R3HCC1L: variants seen among roughly 807,000 people sequenced by gnomAD.
R3HCC1L encodes the protein R3H domain and coiled-coil containing 1 like.
Under a neutral mutation model 59.9 loss-of-function variants are expected in R3HCC1L, and 51 were observed. That is an observed-to-expected ratio of 0.85 (90% CI 0.68 to 1.07). The LOEUF (loss-of-function observed/expected upper bound fraction) is 1.07, where lower values mean the gene tolerates loss of function less well. Among genes scored for constraint, R3HCC1L ranks in the 50% least tolerant of loss-of-function variants. R3HCC1L has a pLI of 0.00. For synonymous variants in R3HCC1L, 322 were observed against 315.2 expected (o/e 1.02, Z -0.23); for missense variants, 965 against 933.0 (o/e 1.03, Z -0.45).
intron 4 of R3HCC1L, among the ~76,000 whole-genome samples, chr10:98,205,499 T>TA (rs1319293495): frequency 6.6e-6 from 1 of 152,206 alleles, no homozygotes; most frequent in Non-Finnish European, 1.5e-5. Flanking sequence ...CTTCCATTCT[T>TA]AAAAAATGAT....
chr10:98,194,476 A>G (rs1332627968), intron 4 of R3HCC1L, among the ~76,000 whole-genome samples: 3 of 152,156 alleles, frequency 2.0e-5, no homozygotes, highest in Non-Finnish European at 2.9e-5. Context: ...AAAAATGTAA[A>G]AAACATACAT....
At chr10:98,199,599 A>G (rs1478312823) in intron 4 of R3HCC1L, among the ~76,000 whole-genome samples, 6 of 151,946 alleles carry the variant, frequency 3.9e-5, no homozygotes, top group Non-Finnish European at 7.4e-5. Flanking sequence ...AGCAGTTTAG[A>G]TAATAGCTTT....
intron 4 of R3HCC1L, among the ~76,000 whole-genome samples, chr10:98,203,232 GA>G (rs1221339914): frequency 2.6e-5 from 4 of 152,136 alleles, no homozygotes; most frequent in East Asian, 1.9e-4. Context: ...AAATATTCAG[GA>G]AAAAAACTGC....
intron 4 of R3HCC1L, among the ~76,000 whole-genome samples, chr10:98,197,789 T>G (rs933429707): frequency 6.6e-6 from 1 of 152,116 alleles, no homozygotes; most frequent in Non-Finnish European, 1.5e-5. Context: ...TGAAAGTGTA[T>G]GTATGTAAAG....
At chr10:98,140,110 C>T (rs560532647) in intron 1 of R3HCC1L, among the ~76,000 whole-genome samples, 1 of 152,096 alleles carries the variant, frequency 6.6e-6, no homozygotes, top group African/African-American at 2.4e-5. Context: ...AGAAAAGAAT[C>T]TGAATGCCTG....
chr10:98,231,158 A>G, intron 5 of R3HCC1L: 1 of 327,394 alleles, frequency 3.1e-6, no homozygotes, highest in South Asian at 3.0e-5. Flanking sequence ...TTATTAATTA[A>G]TCTCTTCAGC....
chr10:98,209,020 A>G lies in R3HCC1L; in HGVS notation c.906A>G (p.Gln302=), dbSNP rs774375067. The G allele has an allele frequency of 3.7e-6, 6 of 1,613,848 alleles. No homozygotes were observed. The African/African-American group carries it at 6.7e-5, about 18-fold the overall frequency. The part of the protein sequence containing the change: ...IANSTGFILD[Q]KDTDSIPATM... The stretch of plus-strand genomic sequence containing the variant: ...ATAGTACAGGTTTCATCTTAGATCA[A>G]AAAGATACAGATTCCATTCCTGCAA... The change falls in exon 5 of 10, where the codon CAA becomes CAG. Residue 302 remains glutamine, a synonymous_variant. Transcript: ENST00000298999.
At chr10:98,140,182 A>G (rs1845005769) in intron 1 of R3HCC1L, among the ~76,000 whole-genome samples, 1 of 152,174 alleles carries the variant, frequency 6.6e-6, no homozygotes, top group Admixed American at 6.5e-5. Context: ...ATGCCAGAAG[A>G]CTATTAAAGA....
At chr10:98,237,822 C>T (rs1008910370) in intron 9 of R3HCC1L, among the ~76,000 whole-genome samples, 4 of 152,242 alleles carry the variant, frequency 2.6e-5, no homozygotes, top group Non-Finnish European at 5.9e-5. Context: ...TGGGCAGATA[C>T]TTATATGCTT....
intron 6 of R3HCC1L, among the ~76,000 whole-genome samples, chr10:98,232,143 C>T (rs937349375): frequency 6.6e-6 from 1 of 152,070 alleles, no homozygotes; most frequent in Admixed American, 6.6e-5. Flanking sequence ...TGTGTGTCAC[C>T]ATGCCTGGCT....
chr10:98,216,814 A>T (rs1386771191), intron 5 of R3HCC1L, among the ~76,000 whole-genome samples: 1 of 152,108 alleles, frequency 6.6e-6, no homozygotes, highest in Admixed American at 6.6e-5. Context: ...TTGTGGCCTC[A>T]AGTGATCGTC....
chr10:98,242,226 T>C lies in R3HCC1L; in HGVS notation c.2270-1865T>C, dbSNP rs929723824. Among the ~76,000 whole-genome samples, 4 of 152,164 alleles carry C rather than the reference T, an allele frequency of 2.6e-5. No individual in the cohort carries two copies. In the South Asian group the frequency reaches 8.3e-4, roughly 32 times the overall value. ...GCCAGGCATGGTGGCATGTGCCTGT[T>C]ACTCAAGAGCTACTCAGGAGACTGA... On this transcript the variant is annotated intron_variant, in intron 9 of 9. Transcript: ENST00000298999.
intron 5 of R3HCC1L, among the ~76,000 whole-genome samples, chr10:98,216,968 G>T (rs1268693110): frequency 6.6e-6 from 1 of 152,054 alleles, no homozygotes; most frequent in Non-Finnish European, 1.5e-5. Context: ...TATATTGACT[G>T]CCTAGTTTGC....
intron 5 of R3HCC1L, among the ~76,000 whole-genome samples, chr10:98,226,063 G>T (rs1855638913): frequency 6.6e-6 from 1 of 152,140 alleles, no homozygotes. Context: ...GCCCAGGCTG[G>T]TCTTGAACTC....
chr10:98,162,050 C>T (rs1451702902), intron 2 of R3HCC1L, among the ~76,000 whole-genome samples: 1 of 151,722 alleles, frequency 6.6e-6, no homozygotes, highest in Non-Finnish European at 1.5e-5. Flanking sequence ...ACTTTTGTGT[C>T]TTTCAGGAAT....
chr10:98,150,681 G>GT lies in R3HCC1L; in HGVS notation c.-267-5410dup, dbSNP rs1846068129. Among the ~76,000 whole-genome samples, 3 of 152,056 alleles carry GT rather than the reference G, an allele frequency of 2.0e-5. No individual in the cohort carries two copies. In the South Asian group the frequency reaches 6.2e-4, roughly 32 times the overall value. ...AGTAGTGTGAGAAGGCTGGCTATGG[G>GT]TTCATGCCCAGGTGACTTGTGGAAT... On this transcript the variant is annotated intron_variant, in intron 1 of 9. Transcript: ENST00000298999.
chr10:98,218,745 TG>T (rs1485384454), intron 5 of R3HCC1L, among the ~76,000 whole-genome samples: 3 of 152,220 alleles, frequency 2.0e-5, no homozygotes, highest in African/African-American at 7.2e-5. Flanking sequence ...TCTGTCTAGA[TG>T]ATCTGTCCAA....
intron 4 of R3HCC1L, among the ~76,000 whole-genome samples, chr10:98,172,384 T>A (rs1848598468): frequency 6.6e-6 from 1 of 152,200 alleles, no homozygotes; most frequent in Non-Finnish European, 1.5e-5. Flanking sequence ...TGTAACATTT[T>A]TAGCGTGGTT....
At chr10:98,173,696 AC>A (rs1165191735) in intron 4 of R3HCC1L, among the ~76,000 whole-genome samples, 1 of 151,874 alleles carries the variant, frequency 6.6e-6, no homozygotes, top group African/African-American at 2.4e-5. Context: ...ACAGGGCCAC[AC>A]CCCTCCCCCT....
Sources: allele counts gnomAD v4.1 joint callset (sites outside exome capture counted in the v4.1 genomes callset), GRCh38; gene constraint gnomAD v4.1.1; transcripts MANE v1.5; gene names NCBI Gene and HGNC (gene_info 2026-07-23, HGNC 2026-07-21).